Variants in VTI1B observed in about 807,000 individuals in gnomAD.
VTI1B encodes vesicle transport through interaction with t-SNAREs homolog 1B.
Under a neutral mutation model 28.6 loss-of-function variants are expected in VTI1B, and 18 were observed. That is an observed-to-expected ratio of 0.63 (90% CI 0.43 to 0.93). VTI1B has a LOEUF of 0.93. Among genes scored for constraint, VTI1B ranks in the 40% least tolerant of loss-of-function variants. The pLI, the probability that VTI1B is intolerant of heterozygous loss-of-function variation, is 0.00. For synonymous variants in VTI1B, 100 were observed against 107.9 expected, an observed-to-expected ratio of 0.93 and a Z score of 0.46; for missense variants, 283 against 297.0, an observed-to-expected ratio of 0.95 and a Z score of 0.35.
rs550138544 is a variant in VTI1B, at chr14:67,647,548, T to A, written c.*3837A>T. The A allele has an allele frequency of 3.6e-4, 56 of 155,862 alleles. No homozygotes were observed. The highest frequency in any genetic ancestry group is 3.3e-3 in the Middle Eastern group (1 of 302). The allele number at this position is 155,862 out of a possible 1,614,324, so 9.7% of individuals were successfully genotyped here. ...CTTCAGCCTTTGGACACTGGGGCTA[T>A]AATGAAGTTAGAAATGGAAGATGTT... On this transcript the variant is annotated 3_prime_UTR_variant, in exon 6 of 6. Coordinates refer to ENST00000554659, the MANE Select transcript of VTI1B (RefSeq NM_006370.3).
Position 67,650,986 on chromosome 14 carries a change from A to T in VTI1B, c.*399T>A. On this transcript the variant is annotated 3_prime_UTR_variant, in exon 6 of 6. Coordinates refer to ENST00000554659, the MANE Select transcript of VTI1B (RefSeq NM_006370.3). ...GAATTATGAGGCATTGAGGGGATAG[A>T]TGAATACTAAATGGTTGTCTGGGTC... 1 of 1,465,600 alleles carries T rather than the reference A, an allele frequency of 6.8e-7. No individual in the cohort carries two copies. Among genetic ancestry groups the T allele is most frequent in the South Asian group, 1.2e-5 (1 of 85,866 alleles). The allele number at this position is 1,465,600 out of a possible 1,614,324, so 90.8% of individuals were successfully genotyped here. A position where few individuals can be genotyped will look rare whatever the true frequency, so the allele number is the denominator to read the frequency against.
intron 4 of VTI1B, among the ~76,000 whole-genome samples, chr14:67,653,974 T>C (rs2037221707): frequency 6.6e-6 from 1 of 152,204 alleles, no homozygotes; most frequent in Admixed American, 6.5e-5. Flanking sequence ...TGAAAAGAAT[T>C]AACCTCCATG....
At position 67,647,750 on chromosome 14, in the gene VTI1B, TTATTAG is replaced by T. The variant is rs1386772967; in HGVS notation, c.*3629_*3634del. On this transcript the variant is annotated 3_prime_UTR_variant, in exon 6 of 6. Coordinates refer to ENST00000554659, the MANE Select transcript of VTI1B (RefSeq NM_006370.3). Reference sequence around the variant, plus strand: ...AGTGAAGAAATCTCTCTATTGACAGTTATTAGTATAAGAGGTTCTAATACCCAGTGT... The same window carrying T: ...AGTGAAGAAATCTCTCTATTGACAGTTATAAGAGGTTCTAATACCCAGTGT... 3.7e-6 allele frequency: 1 copy of T among 269,118 alleles called. No homozygotes were observed. Among genetic ancestry groups the T allele is most frequent in the Non-Finnish European group, 7.0e-6 (1 of 143,044 alleles). 16.7% of individuals were successfully genotyped at this position (269,118 alleles called of 1,614,324 possible).
Position 67,665,307 on chromosome 14 carries a change from G to A in VTI1B, c.116-2772C>T, listed in dbSNP as rs117637188. ...ACAGTCTCACTCAGGCTGGAGTGAA[G>A]TGGCATGATTACGGCTCACTGCAGC... On this transcript the variant is annotated intron_variant, in intron 1 of 5. Coordinates refer to ENST00000554659, the MANE Select transcript of VTI1B (RefSeq NM_006370.3). Among the ~76,000 whole-genome samples the A allele has an allele frequency of 3.3e-4, 47 of 141,150 alleles. No homozygotes were observed. The East Asian group carries it at 9.3e-3, about 28-fold the overall frequency. The allele number at this position is 141,150 out of a possible 152,430, so 92.6% of individuals were successfully genotyped here. A position where few individuals can be genotyped will look rare whatever the true frequency, so the allele number is the denominator to read the frequency against.
Position 67,656,420 on chromosome 14 carries a change from C to T in VTI1B, c.536G>A (p.Ser179Asn), listed in dbSNP as rs545958596. The T allele has an allele frequency of 2.5e-6, 4 of 1,608,850 alleles. No homozygotes were observed. In the East Asian group the frequency reaches 8.9e-5, roughly 36 times the overall value. ...TCCCTGTCTGCCCAGACTTACTCTA[C>T]TCTTGGTACGTTCTAACTGGTCTCG... ...EQRDQLERTK[S>N]RLVNTSENLS... The change falls in exon 4 of 6, where the codon AGT (serine) becomes AAT (asparagine). Residue 179 changes from serine (S) to asparagine (N), a missense_variant. By Grantham distance (46) the Ser-to-Asn change is conservative. Coordinates refer to ENST00000554659, the MANE Select transcript of VTI1B (RefSeq NM_006370.3).
intron 1 of VTI1B, 46 bp from the exon 2 acceptor site, chr14:67,662,581 C>T (rs1280359544): frequency 3.2e-6 from 5 of 1,543,088 alleles, no homozygotes; most frequent in East Asian, 4.5e-5. Flanking sequence ...TGTTTCCACA[C>T]ATTTGTAAAG....
chr14:67,674,625 G>A lies in VTI1B; in HGVS notation c.-136C>T. ...CCGCCGCCCAGGACGAGGCTCTTCC[G>A]GAGCCGCGGCAGGGTCCTCTCGAGC... On this transcript the variant is annotated 5_prime_UTR_variant, in exon 1 of 6. Coordinates refer to ENST00000554659, the MANE Select transcript of VTI1B (RefSeq NM_006370.3). 2 of 629,660 alleles carry A rather than the reference G, an allele frequency of 3.2e-6. No homozygotes were observed. The highest frequency in any genetic ancestry group is 1.9e-5 in the African/African-American group (1 of 51,656). The allele number at this position is 629,660 out of a possible 1,614,324, so 39.0% of individuals were successfully genotyped here.
Position 67,648,242 on chromosome 14 carries a change from T to G in VTI1B, c.*3143A>C. 24 of 1,538,560 alleles carry G rather than the reference T, an allele frequency of 1.6e-5. No homozygotes were observed. The highest frequency in any genetic ancestry group is 1.5e-5 in the Non-Finnish European group (17 of 1,134,038). ...ACATAGGTAAATATGCTAGAGTCTC[T>G]TGCCTGCAAAGGATCTTTTCTGCTA... On this transcript the variant is annotated 3_prime_UTR_variant, in exon 6 of 6. Transcript: ENST00000554659.
intron 1 of VTI1B, among the ~76,000 whole-genome samples, chr14:67,672,054 C>T (rs2037470984): frequency 6.6e-6 from 1 of 152,016 alleles, no homozygotes; most frequent in South Asian, 2.1e-4. Flanking sequence ...TGTTCTTTTG[C>T]ATTATTTAGA....
chr14:67,647,952 C>A lies in VTI1B; in HGVS notation c.*3433G>T. 8.0e-7 allele frequency: 1 copy of A among 1,255,606 alleles called. No individual in the cohort carries two copies. 77.8% of individuals were successfully genotyped at this position (1,255,606 alleles called of 1,614,324 possible). The stretch of plus-strand genomic sequence containing the variant: ...AACAAAGTACTAGGACTAATAGCAA[C>A]AAAATCAAGGAGTTGCAACCATAAG... On this transcript the variant is annotated 3_prime_UTR_variant, in exon 6 of 6. Coordinates refer to ENST00000554659, the MANE Select transcript of VTI1B (RefSeq NM_006370.3).
chr14:67,661,529 C>CTTTT (rs35440818), intron 2 of VTI1B, among the ~76,000 whole-genome samples: 7 of 110,060 alleles, frequency 6.4e-5, no homozygotes, highest in African/African-American at 1.1e-4. Context: ...GAACAGTAAC[C>CTTTT]TTTTTTTTTT....
At chr14:67,664,961 G>A (rs1050907454) in intron 1 of VTI1B, among the ~76,000 whole-genome samples, 3 of 152,108 alleles carry the variant, frequency 2.0e-5, no homozygotes, top group African/African-American at 7.2e-5. Flanking sequence ...CCAACTCCTG[G>A]GTTCAAGTGA....
At chr14:67,665,255 A>G (rs961889604) in intron 1 of VTI1B, among the ~76,000 whole-genome samples, 11 of 130,746 alleles carry the variant, frequency 8.4e-5, no homozygotes, top group African/African-American at 3.0e-4. Context: ...AATGTCAGTT[A>G]TATCTTTTTT....
At chr14:67,664,889 CTG>C (rs2037381268) in intron 1 of VTI1B, among the ~76,000 whole-genome samples, 1 of 152,072 alleles carries the variant, frequency 6.6e-6, no homozygotes, top group South Asian at 2.1e-4. Flanking sequence ...TTTTTTGAGA[CTG>C]TGTCTCACTC....
chr14:67,672,308 G>A lies in VTI1B; in HGVS notation c.115+2067C>T, dbSNP rs139406416. Among the ~76,000 whole-genome samples, 27 of 151,690 alleles carry A rather than the reference G, an allele frequency of 1.8e-4. No homozygotes were observed. The East Asian group carries it at 5.0e-3, about 28-fold the overall frequency. On this transcript the variant is annotated intron_variant, in intron 1 of 5. Transcript: ENST00000554659. ...TAATTTTTTTATTTTTTGTAGAGATGAGGTTTCACCATGTTGCCCAGGCTG... is the reference window on the plus strand; with the variant it reads ...TAATTTTTTTATTTTTTGTAGAGATAAGGTTTCACCATGTTGCCCAGGCTG...
At chr14:67,673,901 C>T (rs183120568) in intron 1 of VTI1B, among the ~76,000 whole-genome samples, 2 of 152,302 alleles carry the variant, frequency 1.3e-5, no homozygotes, top group Admixed American at 6.5e-5. Context: ...GTTTTAAAGG[C>T]CAGCTCTCTA....
intron 3 of VTI1B, 139 bp downstream of exon 3, chr14:67,659,592 G>C (rs2037309788): frequency 1.2e-6 from 1 of 863,258 alleles, no homozygotes; most frequent in Non-Finnish European, 1.7e-6. Context: ...ACTGGATGCA[G>C]AAAAGAGGAT....
intron 1 of VTI1B, among the ~76,000 whole-genome samples, chr14:67,673,138 TTAGAGA>T (rs1328685616): frequency 6.6e-6 from 1 of 152,114 alleles, no homozygotes; most frequent in Non-Finnish European, 1.5e-5. Flanking sequence ...AGGTCAGGAG[TTAGAGA>T]TCAGCCTGGC....
In VTI1B at chr14:67,647,844, G is replaced by C; in HGVS notation, c.*3541C>G. On this transcript the variant is annotated 3_prime_UTR_variant, in exon 6 of 6. Coordinates refer to ENST00000554659, the MANE Select transcript of VTI1B (RefSeq NM_006370.3). ...TATGCAGAACAAATGGCAGTATCAT[G>C]AAGTGGTATGTAGGAAGTTAATATT... 1 of 582,836 alleles carries C rather than the reference G, an allele frequency of 1.7e-6. No homozygotes were observed. The highest frequency in any genetic ancestry group is 3.0e-6 in the Non-Finnish European group (1 of 330,770). The allele number at this position is 582,836 out of a possible 1,614,324, so 36.1% of individuals were successfully genotyped here.
Sources: gnomAD v4.1 joint callset for allele counts (sites outside exome capture counted in the v4.1 genomes callset) on GRCh38, gnomAD v4.1.1 for gene constraint, MANE v1.5 for transcripts, NCBI Gene and HGNC (gene_info 2026-07-23, HGNC 2026-07-21) for gene names.